SPPL3: variants seen among roughly 807,000 people sequenced by gnomAD.
SPPL3 encodes signal peptide peptidase-like 3.
Under a neutral mutation model 42.4 loss-of-function variants are expected in SPPL3, and 5 were observed. The ratio of observed to expected loss-of-function variants is 0.12; its 90% confidence interval spans 0.06 to 0.25. SPPL3 has a LOEUF of 0.25. Ranked by LOEUF, SPPL3 falls within the 10% of genes least tolerant of loss-of-function variation. The probability of loss-of-function intolerance (pLI) is 1.00; values close to 1 mark genes in which losing one functional copy is unlikely to be tolerated. For missense variants in SPPL3, 235 were observed against 489.0 expected, an observed-to-expected ratio of 0.48 and a Z score of 4.90; for synonymous variants, 195 against 181.8, an observed-to-expected ratio of 1.07 and a Z score of -0.58.
chr12:120,817,288 C>T (rs1430440649), intron 1 of SPPL3, among the ~76,000 whole-genome samples: 1 of 152,084 alleles, frequency 6.6e-6, no homozygotes, highest in Non-Finnish European at 1.5e-5. Flanking sequence ...GAGCGAGACC[C>T]TGTCTCAAAA....
chr12:120,805,510 C>T (rs1870458575), intron 2 of SPPL3, among the ~76,000 whole-genome samples: 1 of 152,044 alleles, frequency 6.6e-6, no homozygotes, highest in African/African-American at 2.4e-5. Context: ...CGACACTGTA[C>T]AATAAGGGAG....
At chr12:120,836,387 G>A (rs1871621892) in intron 1 of SPPL3, among the ~76,000 whole-genome samples, 1 of 152,142 alleles carries the variant, frequency 6.6e-6, no homozygotes, top group African/African-American at 2.4e-5. Flanking sequence ...AGAGAAAGAA[G>A]CCTAGCAGAA....
intron 1 of SPPL3, among the ~76,000 whole-genome samples, chr12:120,884,329 A>T (rs1198563339): frequency 2.6e-5 from 4 of 152,098 alleles, no homozygotes; most frequent in Non-Finnish European, 5.9e-5. Context: ...CAAATCATAT[A>T]TTCTTCTGTA....
At chr12:120,781,370 A>G (rs1869530438) in intron 6 of SPPL3, among the ~76,000 whole-genome samples, 1 of 152,100 alleles carries the variant, frequency 6.6e-6, no homozygotes, top group Non-Finnish European at 1.5e-5. Flanking sequence ...GGAGTTATTA[A>G]AAAGGATATG....
chr12:120,870,032 CA>C (rs1872871909), intron 1 of SPPL3, among the ~76,000 whole-genome samples: 1 of 152,036 alleles, frequency 6.6e-6, no homozygotes, highest in South Asian at 2.1e-4. Context: ...CAAATGTAAC[CA>C]AAAATGTTTA....
intron 2 of SPPL3, among the ~76,000 whole-genome samples, chr12:120,807,326 C>T (rs1431309558): frequency 6.6e-6 from 1 of 152,038 alleles, no homozygotes; most frequent in Non-Finnish European, 1.5e-5. Context: ...TTAAATGGTA[C>T]ATTTTATGTT....
chr12:120,848,232 T>C (rs1316710936), intron 1 of SPPL3, among the ~76,000 whole-genome samples: 2 of 152,186 alleles, frequency 1.3e-5, no homozygotes, highest in Non-Finnish European at 2.9e-5. Flanking sequence ...ATAAGCAAAG[T>C]TGTATTTGCA....
At chr12:120,847,850 C>G (rs1872094339) in intron 1 of SPPL3, among the ~76,000 whole-genome samples, 1 of 152,114 alleles carries the variant, frequency 6.6e-6, no homozygotes, top group African/African-American at 2.4e-5. Flanking sequence ...GTACCATAAT[C>G]ACCCTGGGTG....
intron 6 of SPPL3, among the ~76,000 whole-genome samples, chr12:120,775,596 GGGATA>G (rs1869284406): frequency 6.6e-6 from 1 of 152,168 alleles, no homozygotes; most frequent in Non-Finnish European, 1.5e-5. Flanking sequence ...AACTAGGCAG[GGGATA>G]GACTGTAAAC....
At chr12:120,820,379 A>G (rs909617984) in intron 1 of SPPL3, among the ~76,000 whole-genome samples, 1 of 142,544 alleles carries the variant, frequency 7.0e-6, no homozygotes, top group African/African-American at 2.7e-5. Context: ...GCAATGGCAC[A>G]ACCTTGGCTC....
At chr12:120,876,714 G>C (rs1333924904) in intron 1 of SPPL3, among the ~76,000 whole-genome samples, 1 of 148,692 alleles carries the variant, frequency 6.7e-6, no homozygotes, top group Non-Finnish European at 1.5e-5. Flanking sequence ...CAGCTAAAAA[G>C]TGCTTAGAGG....
At chr12:120,773,861 C>A (rs1869212698) in intron 6 of SPPL3, among the ~76,000 whole-genome samples, 2 of 152,202 alleles carry the variant, frequency 1.3e-5, no homozygotes. Flanking sequence ...GCCTCAGCCT[C>A]CCGAAGTGCT....
chr12:120,897,707 A>G (rs1460683232), intron 1 of SPPL3, among the ~76,000 whole-genome samples: 2 of 152,240 alleles, frequency 1.3e-5, no homozygotes, highest in African/African-American at 2.4e-5. Context: ...TGGGCTACAC[A>G]GCGAGACTCC....
chr12:120,767,235 C>G (rs1487898083), intron 9 of SPPL3, among the ~76,000 whole-genome samples, 159 bp downstream of exon 9: 1 of 152,166 alleles, frequency 6.6e-6, no homozygotes, highest in Non-Finnish European at 1.5e-5. Context: ...ATCCAGTACA[C>G]AAAACACTTA....
intron 1 of SPPL3, among the ~76,000 whole-genome samples, chr12:120,858,958 A>G (rs1295423943): frequency 6.6e-6 from 1 of 152,134 alleles, no homozygotes; most frequent in Non-Finnish European, 1.5e-5. Flanking sequence ...TTTATAATCT[A>G]TCAGTATTTA....
intron 1 of SPPL3, among the ~76,000 whole-genome samples, chr12:120,836,256 A>C (rs1016671962): frequency 2.0e-5 from 3 of 152,070 alleles, no homozygotes; most frequent in African/African-American, 7.2e-5. Flanking sequence ...TACAGAAAGC[A>C]GGCTGTGCCA....
intron 2 of SPPL3, among the ~76,000 whole-genome samples, chr12:120,798,526 G>A (rs1014388844): frequency 2.0e-5 from 3 of 152,082 alleles, no homozygotes; most frequent in Non-Finnish European, 4.4e-5. Context: ...TCATGTTTTC[G>A]CACAGCAGAG....
At chr12:120,887,087 C>T (rs1873484776) in intron 1 of SPPL3, among the ~76,000 whole-genome samples, 1 of 151,862 alleles carries the variant, frequency 6.6e-6, no homozygotes, top group African/African-American at 2.4e-5. Flanking sequence ...AATTCTTGTG[C>T]CTCAGCCTCC....
intron 5 of SPPL3, 141 bp downstream of exon 5, chr12:120,783,533 A>G: frequency 1.4e-6 from 1 of 708,548 alleles, no homozygotes; most frequent in East Asian, 2.8e-5. Context: ...GGCTTTAAAG[A>G]TCAAATGTGT....
Sources: allele counts gnomAD v4.1 joint callset (sites outside exome capture counted in the v4.1 genomes callset), GRCh38; gene constraint gnomAD v4.1.1; transcripts MANE v1.5; gene names NCBI Gene and HGNC (gene_info 2026-07-23, HGNC 2026-07-21).